Variants in FAM13A observed in about 807,000 individuals in gnomAD.
FAM13A encodes protein FAM13A.
In FAM13A, 76 loss-of-function variants were observed where a neutral mutation model predicts 129.6. The ratio of observed to expected loss-of-function variants is 0.59; its 90% CI spans 0.49 to 0.71. FAM13A has a LOEUF of 0.71. Among genes scored for constraint, FAM13A ranks in the 30% least tolerant of loss-of-function variants. The pLI is 0.00. For synonymous variants in FAM13A, 443 were observed against 449.9 expected, an observed-to-expected ratio of 0.98 and a Z score of 0.20; for missense variants, 1,108 against 1,249.3, an observed-to-expected ratio of 0.89 and a Z score of 1.70.
At chr4:88,908,149 T>A (rs1252176749) in intron 5 of FAM13A, among the ~76,000 whole-genome samples, 1 of 152,224 alleles carries the variant, frequency 6.6e-6, no homozygotes, top group African/African-American at 2.4e-5. Context: ...CCTAAATAAG[T>A]GTGCATTCCA....
chr4:88,961,781 C>T (rs1331987400), intron 4 of FAM13A, among the ~76,000 whole-genome samples: 1 of 152,042 alleles, frequency 6.6e-6, no homozygotes, highest in Non-Finnish European at 1.5e-5. Context: ...GGGTCTAACT[C>T]AACAGAAAGT....
At chr4:88,919,862 G>T (rs899474323) in intron 5 of FAM13A, among the ~76,000 whole-genome samples, 1 of 152,190 alleles carries the variant, frequency 6.6e-6, no homozygotes. Flanking sequence ...GCGCTTTTCC[G>T]ACGGGCTTAA....
chr4:89,051,132 C>CA (rs763428583), intron 1 of FAM13A, among the ~76,000 whole-genome samples: 1 of 152,104 alleles, frequency 6.6e-6, no homozygotes, highest in Non-Finnish European at 1.5e-5. Context: ...ACTGCTACAA[C>CA]AAAAAATACC....
intron 4 of FAM13A, among the ~76,000 whole-genome samples, chr4:88,939,909 T>C (rs1338163138): frequency 6.6e-6 from 1 of 152,134 alleles, no homozygotes; most frequent in African/African-American, 2.4e-5. Context: ...TTGAATGAGC[T>C]TGGAAGCAAA....
chr4:88,938,097 G>A lies in FAM13A; in HGVS notation c.750C>T (p.Ile250=). ...AAACCAAGTTGCTTACTTTTACTAT[G>A]ATAAGCCTAGCCAGGTTTTCACATC... ...HLRCENLARL[I]IVKEVYYKNS... The change falls in exon 5 of 24, where the codon ATC becomes ATT. Residue 250 remains isoleucine (I), a synonymous_variant. Coordinates refer to ENST00000264344, the MANE Select transcript of FAM13A (RefSeq NM_014883.4). The A allele has an allele frequency of 6.2e-7, 1 of 1,612,780 alleles. No individual in the cohort carries two copies. The highest frequency in any genetic ancestry group is 8.5e-7 in the Non-Finnish European group (1 of 1,178,956).
chr4:89,055,902 G>A (rs1049619273), intron 1 of FAM13A, among the ~76,000 whole-genome samples: 15 of 152,074 alleles, frequency 9.9e-5, no homozygotes, highest in Middle Eastern at 3.2e-3. Flanking sequence ...TCTACCATTT[G>A]GTGACCATTT....
intron 6 of FAM13A, among the ~76,000 whole-genome samples, chr4:88,880,293 C>T (rs1378544025): frequency 6.6e-6 from 1 of 152,130 alleles, no homozygotes; most frequent in African/African-American, 2.4e-5. Flanking sequence ...GCGAACCGTC[C>T]AGCCCCGAAC....
chr4:88,867,964 T>A (rs1438671154), intron 6 of FAM13A, among the ~76,000 whole-genome samples: 1 of 152,172 alleles, frequency 6.6e-6, no homozygotes, highest in Non-Finnish European at 1.5e-5. Flanking sequence ...AGGAAAATAA[T>A]TACATTTTAT....
chr4:89,029,370 C>A, intron 2 of FAM13A, 90 bp downstream of exon 2: 1 of 1,037,378 alleles, frequency 9.6e-7, no homozygotes, highest in Non-Finnish European at 1.4e-6. Flanking sequence ...AGAGGATAGC[C>A]TAATCATACA....
intron 19 of FAM13A, among the ~76,000 whole-genome samples, chr4:88,746,078 A>G (rs1741268174): frequency 6.6e-6 from 1 of 152,200 alleles, no homozygotes; most frequent in Admixed American, 6.5e-5. Flanking sequence ...AGCATATTTT[A>G]GATGAAAAGA....
intron 7 of FAM13A, among the ~76,000 whole-genome samples, chr4:88,818,025 A>G (rs1330140879): frequency 6.6e-6 from 1 of 152,164 alleles, no homozygotes; most frequent in Admixed American, 6.6e-5. Flanking sequence ...CCACTGTCGC[A>G]CAGACTGGAG....
intron 5 of FAM13A, chr4:88,937,787 T>C: frequency 4.7e-6 from 2 of 426,728 alleles, no homozygotes; most frequent in Non-Finnish European, 8.4e-6. Context: ...TGCTGTAACA[T>C]CAGGCTTCTG....
chr4:88,775,201 G>C (rs1022696654), intron 11 of FAM13A, among the ~76,000 whole-genome samples: 2 of 152,096 alleles, frequency 1.3e-5, no homozygotes, highest in African/African-American at 4.8e-5. Context: ...CAGACCAAGG[G>C]AGAAAGGGTT....
chr4:88,822,377 A>G (rs1163641578), intron 7 of FAM13A, among the ~76,000 whole-genome samples: 2 of 152,190 alleles, frequency 1.3e-5, no homozygotes, highest in African/African-American at 4.8e-5. Context: ...CTATATTATA[A>G]TCACGAAGGA....
At chr4:88,905,485 T>C (rs948639274) in intron 6 of FAM13A, among the ~76,000 whole-genome samples, 1 of 152,178 alleles carries the variant, frequency 6.6e-6, no homozygotes, top group Admixed American at 6.5e-5. Context: ...GGGTTTGTTG[T>C]ACATATTATC....
At chr4:88,991,197 A>C in intron 3 of FAM13A, 47 bp from the exon 4 acceptor site, 1 of 1,456,166 alleles carries the variant, frequency 6.9e-7, no homozygotes, top group Non-Finnish European at 9.4e-7. Flanking sequence ...TTTCACAGTA[A>C]CAACAACAAA....
chr4:88,833,481 T>C (rs1276284204), intron 7 of FAM13A, among the ~76,000 whole-genome samples: 1 of 152,208 alleles, frequency 6.6e-6, no homozygotes, highest in Admixed American at 6.5e-5. Flanking sequence ...GAATAGGTCC[T>C]ATTTAAAAAA....
intron 3 of FAM13A, among the ~76,000 whole-genome samples, chr4:88,993,137 C>A (rs911022513): frequency 2.0e-5 from 3 of 152,136 alleles, no homozygotes; most frequent in Non-Finnish European, 2.9e-5. Context: ...ACTTATGTGA[C>A]CTACGTTGTG....
chr4:88,834,801 T>C (rs1202617711), intron 7 of FAM13A, among the ~76,000 whole-genome samples: 1 of 152,172 alleles, frequency 6.6e-6, no homozygotes, highest in Non-Finnish European at 1.5e-5. Context: ...AACCAAGTGA[T>C]ACCTGAATGA....
Sources: gnomAD v4.1 joint callset for allele counts (sites outside exome capture counted in the v4.1 genomes callset) on GRCh38, gnomAD v4.1.1 for gene constraint, MANE v1.5 for transcripts, NCBI Gene and HGNC (gene_info 2026-07-23, HGNC 2026-07-21) for gene names.